TEX11: variants seen among roughly 807,000 people sequenced by gnomAD.
The protein encoded by TEX11 is testis-expressed protein 11.
In TEX11, 7 loss-of-function variants were observed where a neutral mutation model predicts 84.4. That is an observed-to-expected ratio of 0.08 (90% CI 0.05 to 0.16). TEX11 has a LOEUF of 0.16. TEX11 is among the 10% of genes least tolerant of loss of function. The pLI, the probability that TEX11 is intolerant of heterozygous loss-of-function variation, is 1.00. For missense variants in TEX11, 551 were observed against 660.5 expected, an observed-to-expected ratio of 0.83 and a Z score of 1.82; for synonymous variants, 264 against 222.8, an observed-to-expected ratio of 1.18 and a Z score of -1.64.
intron 17 of TEX11, among the ~76,000 whole-genome samples, chrX:70,639,200 C>A (rs186774938): frequency 8.9e-6 from 1 of 112,031 alleles, no homozygotes; most frequent in Non-Finnish European, 1.9e-5. Flanking sequence ...CTGAATACTG[C>A]GCTTTTCTCA....
intron 11 of TEX11, among the ~76,000 whole-genome samples, chrX:70,739,714 T>C (rs2147744040): frequency 8.9e-6 from 1 of 112,147 alleles, no homozygotes; most frequent in African/African-American, 3.2e-5. Flanking sequence ...CCAGCCTGAA[T>C]CTATTTTTAA....
intron 9 of TEX11, among the ~76,000 whole-genome samples, chrX:70,754,909 G>C (rs922301353): frequency 1.8e-5 from 2 of 112,209 alleles, no homozygotes; most frequent in African/African-American, 6.5e-5. Context: ...ACAAGAACCA[G>C]AGCATTAGTG....
At chrX:70,530,037 T>C in intron 28 of TEX11, 38 bp from the exon 29 acceptor site, 1 of 1,105,042 alleles carries the variant, frequency 9.0e-7, no homozygotes, top group Non-Finnish European at 1.2e-6. Context: ...GTTATTACTG[T>C]CACAGTTCAT....
intron 13 of TEX11, among the ~76,000 whole-genome samples, chrX:70,688,258 C>T (rs181516808): frequency 8.1e-5 from 9 of 111,146 alleles, no homozygotes; most frequent in Non-Finnish European, 1.7e-4. Context: ...GATACCTTAC[C>T]TACAGGAGCC....
At chrX:70,725,445 T>A (rs2090592381) in intron 11 of TEX11, 102 bp from the exon 12 acceptor site, 1 of 463,640 alleles carries the variant, frequency 2.2e-6, no homozygotes. Flanking sequence ...GGATAACTCA[T>A]AATCAAAGGA....
chrX:70,552,159 A>G lies in TEX11; in HGVS notation c.2487T>C (p.Tyr829=). The change falls in exon 28 of 30, where the codon TAT becomes TAC. Residue 829 remains tyrosine (Y), a synonymous_variant. Transcript: ENST00000374333. ...TAATGTGGCTCAGAGCATCTTCAAAATAGCCCCAAACTTCTTCCAGGGGAC... is the reference window on the plus strand; with the variant it reads ...TAATGTGGCTCAGAGCATCTTCAAAGTAGCCCCAAACTTCTTCCAGGGGAC... ...ELCPLEEVWG[Y]FEDALSHISR... is the part of the protein sequence containing the mutation. 8.3e-7 allele frequency: 1 copy of G among 1,211,500 alleles called. No individual in the cohort carries two copies. The highest frequency in any genetic ancestry group is 1.1e-6 in the Non-Finnish European group (1 of 895,303).
At chrX:70,756,742 A>G (rs2090870248) in intron 9 of TEX11, among the ~76,000 whole-genome samples, 1 of 112,229 alleles carries the variant, frequency 8.9e-6, no homozygotes, top group Admixed American at 9.5e-5. Context: ...TCACCAGCAA[A>G]GGAACAAAAC....
At chrX:70,776,879 G>A (rs2091005094) in intron 9 of TEX11, among the ~76,000 whole-genome samples, 1 of 111,082 alleles carries the variant, frequency 9.0e-6, no homozygotes, top group Non-Finnish European at 1.9e-5. Flanking sequence ...AGCTAGAAGA[G>A]AAGACTTGAA....
At chrX:70,833,667 T>C (rs1372336832) in intron 7 of TEX11, 74 bp from the exon 8 acceptor site, 2 of 808,191 alleles carry the variant, frequency 2.5e-6, no homozygotes, top group Non-Finnish European at 3.6e-6. Flanking sequence ...TTTTAGCATA[T>C]TTTAACTAGT....
chrX:70,868,884 G>A (rs2091613340), intron 4 of TEX11, among the ~76,000 whole-genome samples: 1 of 108,615 alleles, frequency 9.2e-6, no homozygotes, highest in South Asian at 4.0e-4. Flanking sequence ...CAGCGGGTGG[G>A]GGCAAAGGGA....
At chrX:70,620,184 C>T (rs191737074) in intron 20 of TEX11, among the ~76,000 whole-genome samples, 113 of 110,710 alleles carry the variant, frequency 1.0e-3, no homozygotes, top group East Asian at 4.8e-3. Context: ...TGTGGTCAAA[C>T]GCCAGGGATC....
intron 16 of TEX11, among the ~76,000 whole-genome samples, chrX:70,661,309 G>A (rs918517819): frequency 2.6e-4 from 29 of 112,422 alleles, no homozygotes; most frequent in African/African-American, 9.4e-4. Context: ...AAACTGCAAG[G>A]CGGCAGCAAA....
chrX:70,645,958 G>A (rs767716914), intron 17 of TEX11, among the ~76,000 whole-genome samples: 3 of 110,651 alleles, frequency 2.7e-5, no homozygotes, highest in Non-Finnish European at 5.7e-5. Flanking sequence ...ACCCTGACTA[G>A]CTATCGCAAT....
At chrX:70,511,524 G>C in the TEX11 span, among the ~76,000 whole-genome samples, 4 of 109,485 alleles carry the variant, frequency 3.7e-5, no homozygotes, top group African/African-American at 1.3e-4. Flanking sequence ...GGAGGCCAAG[G>C]CGGGTGGATC....
chrX:70,512,832 C>T, the TEX11 span, among the ~76,000 whole-genome samples: 1 of 108,540 alleles, frequency 9.2e-6, no homozygotes, highest in African/African-American at 3.4e-5. Context: ...TGCCATTTAA[C>T]AAAGAGCTGT....
chrX:70,667,892 A>C lies in TEX11; in HGVS notation c.1380+2485T>G, dbSNP rs1009862112. 2.8e-5 allele frequency among the ~76,000 whole-genome samples: 3 copies of C among 108,746 alleles called. No individual in the cohort carries two copies. The Admixed American group carries it at 3.0e-4, about 11-fold the overall frequency. The allele number at this position is 108,746 out of a possible 115,157, so 94.4% of individuals were successfully genotyped here. A position where few individuals can be genotyped will look rare whatever the true frequency, so the allele number is the denominator to read the frequency against. On this transcript the variant is annotated intron_variant, in intron 16 of 29. Transcript: ENST00000374333. ...CAGTGAGCTGAGATAGCACCATTGC[A>C]CTCCAGCCTGGGCAACAAGAGTGAG...
chrX:70,642,460 C>A (rs2089674626), intron 17 of TEX11, among the ~76,000 whole-genome samples: 1 of 108,644 alleles, frequency 9.2e-6, no homozygotes, highest in Non-Finnish European at 1.9e-5. Context: ...GGCAGAGACA[C>A]AACCAAAAAA....
At chrX:70,545,730 G>A (rs775999960) in intron 28 of TEX11, among the ~76,000 whole-genome samples, 22 of 111,995 alleles carry the variant, frequency 2.0e-4, no homozygotes, top group African/African-American at 7.1e-4. Context: ...ATGACTGGCA[G>A]TTCAGTAAGT....
intron 27 of TEX11, among the ~76,000 whole-genome samples, chrX:70,552,571 G>C (rs905787372): frequency 3.6e-5 from 4 of 110,960 alleles, no homozygotes; most frequent in Non-Finnish European, 7.5e-5. Flanking sequence ...TCCTCAAATG[G>C]GCAAGGGAAC....
Sources: gnomAD v4.1 joint callset for allele counts (sites outside exome capture counted in the v4.1 genomes callset) on GRCh38, gnomAD v4.1.1 for gene constraint, MANE v1.5 for transcripts, NCBI Gene and HGNC (gene_info 2026-07-23, HGNC 2026-07-21) for gene names.